DNAH5: variants seen among roughly 807,000 people sequenced by gnomAD.
The protein encoded by DNAH5 is axonemal beta dynein heavy chain 5.
Under a neutral mutation model 518.2 loss-of-function variants are expected in DNAH5, and 372 were observed. The observed-to-expected ratio is 0.72, with a 90% CI of 0.66 to 0.78. DNAH5 has a LOEUF of 0.78. DNAH5 is among the 30% of genes least tolerant of loss of function. DNAH5 has a pLI of 0.00. For synonymous variants in DNAH5, 2,039 were observed against 2,025.9 expected (o/e 1.01, Z -0.17); for missense variants, 5,523 against 5,687.0 (o/e 0.97, Z 0.93).
chr5:13,932,979 G>C (rs1778561803), intron 1 of DNAH5, among the ~76,000 whole-genome samples: 1 of 152,230 alleles, frequency 6.6e-6, no homozygotes, highest in African/African-American at 2.4e-5. Flanking sequence ...CATTCTTGTT[G>C]TGAGGAGCAG....
Position 13,752,290 on chromosome 5 carries a change from C to T in DNAH5, c.10873-1G>A. 1 of 1,613,968 alleles carries T rather than the reference C, an allele frequency of 6.2e-7. No homozygotes were observed. Among genetic ancestry groups the T allele is most frequent in the Non-Finnish European group, 8.5e-7 (1 of 1,179,916 alleles). On this transcript the variant is annotated splice_acceptor_variant, in intron 63 of 78. Coordinates refer to ENST00000265104, the MANE Select transcript of DNAH5 (RefSeq NM_001369.3). LOFTEE classifies it high-confidence loss of function. ...AGTACTTGTGATTTAAAGACGTGATCTAGGAACAGGATCACAAGGTTGCTA... is the reference window on the plus strand; with the variant it reads ...AGTACTTGTGATTTAAAGACGTGATTTAGGAACAGGATCACAAGGTTGCTA...
At chr5:13,703,506 G>A (rs1404942403) in intron 76 of DNAH5, among the ~76,000 whole-genome samples, 2 of 152,090 alleles carry the variant, frequency 1.3e-5, no homozygotes, top group African/African-American at 4.8e-5. Flanking sequence ...ATCATTCTAG[G>A]TGAATTCAGC....
intron 31 of DNAH5, among the ~76,000 whole-genome samples, chr5:13,847,345 C>T (rs143670889): frequency 1.8e-3 from 93 of 51,922 alleles, no homozygotes; most frequent in African/African-American, 5.8e-3. Flanking sequence ...TTAGAGTAGA[C>T]ATTTTCTCTG....
intron 75 of DNAH5, among the ~76,000 whole-genome samples, chr5:13,709,116 G>A (rs1405399682): frequency 6.6e-6 from 1 of 152,104 alleles, no homozygotes; most frequent in Admixed American, 6.5e-5. Context: ...GTTATTCCAG[G>A]GACATTATCC....
intron 78 of DNAH5, among the ~76,000 whole-genome samples, chr5:13,693,196 A>C (rs2126343097): frequency 6.6e-6 from 1 of 152,236 alleles, no homozygotes; most frequent in South Asian, 2.1e-4. Flanking sequence ...AAATTAAAAA[A>C]CCCTCACTTA....
chr5:13,702,127 A>T (rs779166448), intron 76 of DNAH5, among the ~76,000 whole-genome samples: 1 of 152,206 alleles, frequency 6.6e-6, no homozygotes, highest in African/African-American at 2.4e-5. Flanking sequence ...TTCCATTATG[A>T]CAACTGGCAT....
chr5:13,714,597 AG>A lies in DNAH5; in HGVS notation c.12932del (p.Pro4311LeufsTer27). The A allele has an allele frequency of 1.2e-6, 2 of 1,614,102 alleles. No homozygotes were observed. Among genetic ancestry groups the A allele is most frequent in the Non-Finnish European group, 1.7e-6 (2 of 1,180,012 alleles). ...YIQSLPAYDS[P>X]EVFGLHPNAD... ...CATTGGGGTGCAGCCCAAACACCTC[AG>A]GGCTGTCATAGGCAGGCAAACTCTG... On this transcript the variant is annotated frameshift_variant, in exon 75 of 79. Coordinates refer to ENST00000265104, the MANE Select transcript of DNAH5 (RefSeq NM_001369.3). LOFTEE classifies it high-confidence loss of function.
chr5:13,738,901 G>A (rs1182210026), intron 65 of DNAH5, among the ~76,000 whole-genome samples: 1 of 152,186 alleles, frequency 6.6e-6, no homozygotes, highest in African/African-American at 2.4e-5. Context: ...GAGTTTATTT[G>A]AAGAGCTTCC....
At chr5:13,823,439 G>T in intron 39 of DNAH5, 69 bp from the exon 40 acceptor site, 1 of 1,006,332 alleles carries the variant, frequency 9.9e-7, no homozygotes, top group South Asian at 1.3e-5. Context: ...AGATAAACTG[G>T]AAATGCCCAA....
Position 13,719,073 on chromosome 5 carries a change from T to C in DNAH5, c.12308A>G (p.His4103Arg), listed in dbSNP as rs769826613. 9.3e-6 allele frequency: 15 copies of C among 1,614,120 alleles called. No homozygotes were observed. In the South Asian group the frequency reaches 1.3e-4, roughly 14 times the overall value. ...NGGWALLQNC[H>R]LGLDFMDELM... ...CTCATCCATGAAATCAAGTCCCAGA[T>C]GGCAGTTCTGCAGAAGTGCCCATCC... Residue 4103 changes from histidine to arginine, a missense_variant, in exon 72 of 79, where the codon CAT becomes CGT. Transcript: ENST00000265104.
At position 13,787,564 on chromosome 5, in the gene DNAH5, C is replaced by G. The variant is rs187003133; in HGVS notation, c.8647+1152G>C. 2.0e-5 allele frequency among the ~76,000 whole-genome samples: 3 copies of G among 152,210 alleles called. No individual in the cohort carries two copies. The East Asian group carries it at 5.8e-4, about 29-fold the overall frequency. On this transcript the variant is annotated intron_variant, in intron 51 of 78. Coordinates refer to ENST00000265104, the MANE Select transcript of DNAH5 (RefSeq NM_001369.3). ...TTTGAGAAATAGTGTTTCAATGACA[C>G]AAAAGGTTATGCATTTGTCTCTAGA...
At chr5:13,924,367 T>C (rs1298395756) in intron 3 of DNAH5, among the ~76,000 whole-genome samples, 3 of 152,124 alleles carry the variant, frequency 2.0e-5, no homozygotes, top group Non-Finnish European at 4.4e-5. Context: ...TTTTCTCATA[T>C]TCACATCTTA....
intron 60 of DNAH5, among the ~76,000 whole-genome samples, chr5:13,760,327 G>C (rs1055938938): frequency 6.6e-6 from 1 of 152,174 alleles, no homozygotes; most frequent in Non-Finnish European, 1.5e-5. Context: ...TGTGCAGGCT[G>C]CTTAAACCCT....
rs764245007 is a variant in DNAH5, at chr5:13,721,187, T to G, written c.12092A>C (p.Asp4031Ala). The part of the protein sequence containing the change: ...GEKYAEGVIL[D>A]LEKTWEESDP... ...AGATTCCTCCCACGTCTTCTCCAAG[T>G]CTAAAATAACACCTTCGGCATATTT... is the stretch of plus-strand genomic sequence containing the variant. The change falls in exon 71 of 79, where the codon GAC (aspartate) becomes GCC (alanine). Residue 4031 changes from aspartate to alanine, a missense_variant. Asp to Ala is a moderately radical substitution (Grantham distance 126). This residue lies in a region of DNAH5 where 5,121 missense variants were observed against 5,223.3 expected (regional missense o/e 0.98). Transcript: ENST00000265104. 1.2e-6 allele frequency: 2 copies of G among 1,614,182 alleles called. No homozygotes were observed. The highest frequency in any genetic ancestry group is 1.7e-6 in the Non-Finnish European group (2 of 1,180,012).
In DNAH5 at chr5:13,753,545, A is replaced by G. The variant is rs551148279; in HGVS notation, c.10560T>C (p.Asp3520=). The change falls in exon 63 of 79, where the codon GAT becomes GAC. Residue 3520 remains aspartate, a synonymous_variant. Coordinates refer to ENST00000265104, the MANE Select transcript of DNAH5 (RefSeq NM_001369.3). The stretch of plus-strand genomic sequence containing the variant: ...ATAGAAAAGCTGTAGCCAACAGTAC[A>G]TCCCCTAAAATAGAAAACAAACACC... ...FAAQTKRLVG[D]VLLATAFLSY... The G allele has an allele frequency of 6.8e-6, 11 of 1,612,554 alleles. No individual in the cohort carries two copies. The highest frequency in any genetic ancestry group is 4.5e-5 in the East Asian group (2 of 44,850).
At chr5:13,853,007 G>T (rs1021442571) in intron 30 of DNAH5, among the ~76,000 whole-genome samples, 1 of 152,200 alleles carries the variant, frequency 6.6e-6, no homozygotes, top group Non-Finnish European at 1.5e-5. Context: ...CCCAGCACAG[G>T]GCTCGAGCTC....
Position 13,737,495 on chromosome 5 carries a change from C to T in DNAH5, c.11212G>A (p.Glu3738Lys). Residue 3738 changes from glutamate (E) to lysine (K), a missense_variant and splice_region_variant, in exon 66 of 79, where the codon GAA becomes AAA. This residue lies in a region of DNAH5 where 5,121 missense variants were observed against 5,223.3 expected (regional missense o/e 0.98). Transcript: ENST00000265104. ...AGATGAGTTCTTTCTTTCTCCAATT[C>T]CTATTAATTTGCATAAATATATTTT... is the stretch of plus-strand genomic sequence containing the variant. ...LGRVILTEKQ[E>K]LEKERTHLME... is the part of the protein sequence containing the mutation. The T allele has an allele frequency of 6.2e-7, 1 of 1,613,594 alleles. No homozygotes were observed. Among genetic ancestry groups the T allele is most frequent in the African/African-American group, 1.3e-5 (1 of 75,020 alleles).
chr5:13,787,319 A>G (rs1756206908), intron 51 of DNAH5, among the ~76,000 whole-genome samples: 1 of 152,212 alleles, frequency 6.6e-6, no homozygotes, highest in Non-Finnish European at 1.5e-5. Flanking sequence ...ATATACCAAT[A>G]ACGACTTAGA....
intron 65 of DNAH5, among the ~76,000 whole-genome samples, chr5:13,743,410 G>T (rs1171667777): frequency 1.3e-5 from 2 of 152,014 alleles, no homozygotes; most frequent in South Asian, 2.1e-4. Context: ...CAGGACACTG[G>T]TCTGGGAAAA....
Sources: allele counts gnomAD v4.1 joint callset (sites outside exome capture counted in the v4.1 genomes callset), GRCh38; gene constraint gnomAD v4.1.1; regional missense constraint gnomAD v4.1.1; transcripts MANE v1.5; gene names NCBI Gene and HGNC (gene_info 2026-07-23, HGNC 2026-07-21).